The following APOBEC3G variants were observed in gnomAD, a reference collection of about 807,000 sequenced individuals.
The protein encoded by APOBEC3G is apolipoprotein B mRNA editing enzyme catalytic subunit 3G, also known as DNA dC->dU-editing enzyme APOBEC-3G.
Under a neutral mutation model 50.0 loss-of-function variants are expected in APOBEC3G, and 44 were observed. That is an observed-to-expected ratio of 0.88 (90% confidence interval 0.69 to 1.13). The LOEUF (loss-of-function observed/expected upper bound fraction) is 1.13. APOBEC3G is among the 50% of genes most tolerant of loss of function. APOBEC3G has a pLI of 0.00. For missense variants in APOBEC3G, 469 were observed against 492.0 expected (o/e 0.95, Z 0.44); for synonymous variants, 156 against 175.3 (o/e 0.89, Z 0.87).
intron 7 of APOBEC3G, 80 bp downstream of exon 7, chr22:39,087,206 G>A: frequency 6.2e-7 from 1 of 1,606,852 alleles, no homozygotes; most frequent in East Asian, 2.2e-5. Context: ...CTTCCCCTCT[G>A]CTCAGAGCCT....
At chr22:39,086,740 G>A (rs978314157) in intron 6 of APOBEC3G, among the ~76,000 whole-genome samples, 173 bp downstream of exon 6, 7 of 151,948 alleles carry the variant, frequency 4.6e-5, no homozygotes, top group African/African-American at 1.7e-4. Context: ...GAAGAGAGAG[G>A]CCAGGCCAGG....
intron 2 of APOBEC3G, 179 bp from the exon 3 acceptor site, chr22:39,080,754 A>G: frequency 3.2e-6 from 2 of 633,308 alleles, no homozygotes; most frequent in Non-Finnish European, 5.5e-6. Flanking sequence ...CATAGCAATT[A>G]ATACTGAACA....
rs1601526786 is a variant in APOBEC3G at position 39,087,543 on chromosome 22, C to T, written c.*122C>T. ...ATCTCCAGCTGATCACAGACACCAG[C>T]AAAGCAATGCACTCCTGACCAAGTA... On this transcript the variant is annotated 3_prime_UTR_variant, in exon 8 of 8. Coordinates refer to ENST00000407997, the MANE Select transcript of APOBEC3G (RefSeq NM_021822.4). 1 of 1,571,934 alleles carries T rather than the reference C, an allele frequency of 6.4e-7. No individual in the cohort carries two copies. Among genetic ancestry groups the T allele is most frequent in the Admixed American group, 1.7e-5 (1 of 59,090 alleles).
intron 2 of APOBEC3G, 105 bp downstream of exon 2, chr22:39,079,190 T>C: frequency 1.4e-6 from 2 of 1,409,978 alleles, no homozygotes; most frequent in Non-Finnish European, 1.9e-6. Flanking sequence ...ATCCAGTGTG[T>C]CCTTCTCTCC....
chr22:39,077,332 A>G lies in APOBEC3G; in HGVS notation c.-30A>G. 2 of 1,568,400 alleles carry G rather than the reference A, an allele frequency of 1.3e-6. No homozygotes were observed. Among genetic ancestry groups the G allele is most frequent in the Non-Finnish European group, 1.7e-6 (2 of 1,155,876 alleles). On this transcript the variant is annotated 5_prime_UTR_variant, in exon 1 of 8. Coordinates refer to ENST00000407997, the MANE Select transcript of APOBEC3G (RefSeq NM_021822.4). ...AAGTGAAACCCTGGTGCTCCAGACA[A>G]AGATCTTAGTCGGGACTAGCCGGCC...
intron 4 of APOBEC3G, 29 bp from the exon 5 acceptor site, chr22:39,083,702 C>T: frequency 6.2e-7 from 1 of 1,610,370 alleles, no homozygotes; most frequent in Non-Finnish European, 8.5e-7. Context: ...AGGGCTCTTA[C>T]TCCTCTGGGC....
chr22:39,077,031 G>T (rs1026295513), upstream of APOBEC3G: 103 of 484,298 alleles, frequency 2.1e-4, no homozygotes, highest in South Asian at 2.3e-3. Context: ...GCCTGGTGTG[G>T]ACCCACCTCC....
At chr22:39,081,812 G>A (rs1601521525) in intron 4 of APOBEC3G, 3 of 482,056 alleles carry the variant, frequency 6.2e-6, no homozygotes, top group South Asian at 2.6e-5. Flanking sequence ...TGAGTGAGAG[G>A]CCCCTTCTGC....
At chr22:39,081,635 C>T in intron 4 of APOBEC3G, 50 bp downstream of exon 4, 2 of 1,475,308 alleles carry the variant, frequency 1.4e-6, no homozygotes, top group Non-Finnish European at 1.9e-6. Context: ...ACCTCCTGCT[C>T]ATCCTCTTGA....
At position 39,083,770 on chromosome 22, in the gene APOBEC3G, C is replaced by T; in HGVS notation, c.621C>T (p.Asn207=). 1 of 1,614,040 alleles carries T rather than the reference C, an allele frequency of 6.2e-7. No homozygotes were observed. Among genetic ancestry groups the T allele is most frequent in the Non-Finnish European group, 8.5e-7 (1 of 1,179,918 alleles). Reference sequence around the variant, plus strand: ...CACCCACATTCACTTTCAACTTTAACAATGAACCTTGGGTCAGAGGACGGC... The same window carrying T: ...CACCCACATTCACTTTCAACTTTAATAATGAACCTTGGGTCAGAGGACGGC... ...MDPPTFTFNF[N]NEPWVRGRHE... is the part of the protein sequence containing the mutation. The change falls in exon 5 of 8, where the codon AAC becomes AAT. Residue 207 remains asparagine (N), a synonymous_variant. Transcript: ENST00000407997.
upstream of APOBEC3G, chr22:39,077,107 G>A (rs373731481): frequency 4.3e-5 from 26 of 605,856 alleles, no homozygotes; most frequent in East Asian, 2.8e-4. Context: ...CGCACAGAGC[G>A]GCCTGTCTTT....
chr22:39,086,309 C>T lies in APOBEC3G; in HGVS notation c.766C>T (p.Arg256Cys), dbSNP rs200828298. Residue 256 changes from arginine to cysteine, a missense_variant, in exon 6 of 8, where the codon CGC (arginine) becomes TGC (cysteine). Transcript: ENST00000407997. Reference sequence around the variant, plus strand: ...ACATAAACACGGTTTCCTTGAAGGCCGCCATGCAGAGCTGTGCTTCCTGGA... The same window carrying T: ...ACATAAACACGGTTTCCTTGAAGGCTGCCATGCAGAGCTGTGCTTCCTGGA... ...APHKHGFLEG[R>C]HAELCFLDVI... 124 of 1,596,586 alleles carry T rather than the reference C, an allele frequency of 7.8e-5. No individual in the cohort carries two copies. The Middle Eastern group carries it at 2.7e-3, about 34-fold the overall frequency.
At position 39,087,012 on chromosome 22, in the gene APOBEC3G, A is replaced by G. The variant is rs1329527452; in HGVS notation, c.1026A>G (p.Glu342=). The part of the protein sequence containing the change: ...GAKISIMTYS[E]FKHCWDTFVD... ...CTTATCTCCCCTGTCCCTTTTCAGA[A>G]TTTAAGCACTGCTGGGACACCTTTG... is the stretch of plus-strand genomic sequence containing the variant. The change falls in exon 7 of 8, where the codon GAA becomes GAG. Residue 342 remains glutamate (E), a splice_region_variant and synonymous_variant. Transcript: ENST00000407997. The G allele has an allele frequency of 6.2e-7, 1 of 1,602,882 alleles. No homozygotes were observed. The highest frequency in any genetic ancestry group is 1.3e-5 in the African/African-American group (1 of 74,824).
chr22:39,078,973 A>G lies in APOBEC3G; in HGVS notation c.59A>G (p.Asn20Ser). Residue 20 changes from asparagine to serine, a missense_variant, in exon 2 of 8, where the codon AAC (asparagine) becomes AGC (serine). Transcript: ENST00000407997. ...ERMYRDTFSYNFYNRPILSRR... is the reference protein window; with the variant it reads ...ERMYRDTFSYSFYNRPILSRR... ...ATGTATCGAGACACATTCTCCTACA[A>G]CTTTTATAATAGACCCATCCTTTCT... 1 of 1,614,096 alleles carries G rather than the reference A, an allele frequency of 6.2e-7. No homozygotes were observed. The highest frequency in any genetic ancestry group is 8.5e-7 in the Non-Finnish European group (1 of 1,180,012).
intron 7 of APOBEC3G, 33 bp from the exon 8 acceptor site, chr22:39,087,374 C>G: frequency 6.2e-7 from 1 of 1,614,134 alleles, no homozygotes; most frequent in Non-Finnish European, 8.5e-7. Context: ...ACTCGCTCAC[C>G]CTTTGCTCCA....
At chr22:39,086,977 G>C (rs201264627) in intron 6 of APOBEC3G, 34 bp from the exon 7 acceptor site, 7 of 1,570,538 alleles carry the variant, frequency 4.5e-6, no homozygotes, top group Non-Finnish European at 6.1e-6. Flanking sequence ...ATCCCACAGC[G>C]GGAGTGTGAC....
At position 39,080,056 on chromosome 22, in the gene APOBEC3G, AAG is replaced by A. The variant is rs1928364958; in HGVS notation, c.172-875_172-874del. ...CGAAACTCCATCTCAAAAAAAAAAA[AAG>A]AAATGAGTGGTGTATTTTTCAGGTG... On this transcript the variant is annotated intron_variant, in intron 2 of 7. Coordinates refer to ENST00000407997, the MANE Select transcript of APOBEC3G (RefSeq NM_021822.4). The A allele has an allele frequency of 2.3e-5, 4 of 172,930 alleles. 1 individual carries two copies. In the South Asian group the frequency reaches 7.5e-4, roughly 32 times the overall value. 10.7% of individuals were successfully genotyped at this position (172,930 alleles called of 1,614,324 possible).
Position 39,083,904 on chromosome 22 carries a change from G to A in APOBEC3G, c.735+20G>A, listed in dbSNP as rs373770107. On this transcript the variant is annotated intron_variant, in intron 5 of 7. Transcript: ENST00000407997. ...AACCAGGTGACCAACCCAGCCACCC[G>A]CATCCAGGCAGGGCCCTCCCAACCC... 21 of 1,608,086 alleles carry A rather than the reference G, an allele frequency of 1.3e-5. No individual in the cohort carries two copies. The highest frequency in any genetic ancestry group is 3.3e-5 in the South Asian group (3 of 90,514).
In APOBEC3G at chr22:39,077,383, C is replaced by G; in HGVS notation, c.17+5C>G. The G allele has an allele frequency of 1.3e-6, 2 of 1,581,904 alleles. No individual in the cohort carries two copies. The highest frequency in any genetic ancestry group is 1.7e-6 in the Non-Finnish European group (2 of 1,163,618). On this transcript the variant is annotated splice_donor_5th_base_variant and intron_variant, in intron 1 of 7. Transcript: ENST00000407997. ...AAGGATGAAGCCTCACTTCAGGTAC[C>G]GCTGCCCGCTCTACCCACTGGGCCC... is the stretch of plus-strand genomic sequence containing the variant.
Sources: gnomAD v4.1 joint callset for allele counts (sites outside exome capture counted in the v4.1 genomes callset) on GRCh38, gnomAD v4.1.1 for gene constraint, MANE v1.5 for transcripts, NCBI Gene and HGNC (gene_info 2026-07-23, HGNC 2026-07-21) for gene names.